Variants in PRKRA observed in about 807,000 individuals in gnomAD.
PRKRA encodes the protein protein activator of interferon induced protein kinase EIF2AK2.
A neutral mutation model predicts 32.4 loss-of-function variants in PRKRA; 22 were observed. That is an observed-to-expected ratio of 0.68 (90% CI 0.49 to 0.97). PRKRA has a LOEUF of 0.97. Ranked by LOEUF, PRKRA falls within the 50% of genes least tolerant of loss-of-function variation. The pLI is 0.00. For missense variants in PRKRA, 319 were observed against 375.6 expected (o/e 0.85, Z 1.25); for synonymous variants, 139 against 129.8 (o/e 1.07, Z -0.48).
At chr2:178,450,451 T>A in intron 1 of PRKRA, 40 bp from the exon 2 acceptor site, 1 of 1,614,002 alleles carries the variant, frequency 6.2e-7, no homozygotes, top group Non-Finnish European at 8.5e-7. Context: ...CATGCCAAAT[T>A]GGAGATTGAA....
chr2:178,449,930 CT>C (rs1697486577), intron 2 of PRKRA: 1 of 451,760 alleles, frequency 2.2e-6, no homozygotes, highest in Admixed American at 3.4e-5. Flanking sequence ...CTCCAAGAAC[CT>C]TTCCTGCTTC....
At chr2:178,432,452 C>G (rs948205527) in intron 7 of PRKRA, among the ~76,000 whole-genome samples, 198 bp from the exon 8 acceptor site, 5 of 152,184 alleles carry the variant, frequency 3.3e-5, no homozygotes, top group Non-Finnish European at 7.3e-5. Flanking sequence ...ACACATTACA[C>G]TTCATAATGA....
intron 7 of PRKRA, among the ~76,000 whole-genome samples, chr2:178,434,704 A>G (rs571873324): frequency 1.3e-5 from 2 of 152,260 alleles, no homozygotes; most frequent in East Asian, 1.9e-4. Context: ...GTAGCACAGA[A>G]TATCAGGAGT....
chr2:178,446,591 T>A (rs1244929531), intron 3 of PRKRA, among the ~76,000 whole-genome samples: 2 of 152,186 alleles, frequency 1.3e-5, no homozygotes, highest in Non-Finnish European at 2.9e-5. Flanking sequence ...ATTACACAGA[T>A]CGTACTTCAG....
At chr2:178,435,342 C>T (rs1337101306) in intron 7 of PRKRA, among the ~76,000 whole-genome samples, 2 of 143,046 alleles carry the variant, frequency 1.4e-5, no homozygotes, top group Admixed American at 7.2e-5. Context: ...GAGATTGTGC[C>T]ACTGTACTCC....
chr2:178,445,983 G>C (rs1205941489), intron 3 of PRKRA: 1 of 151,044 alleles, frequency 6.6e-6, no homozygotes, highest in African/African-American at 2.4e-5. Context: ...TGCCCACCTT[G>C]GCCTCCCAAA....
chr2:178,432,174 T>C lies in PRKRA; in HGVS notation c.865A>G (p.Ile289Val), dbSNP rs937266998. 6.2e-7 allele frequency: 1 copy of C among 1,614,228 alleles called. No homozygotes were observed. Among genetic ancestry groups the C allele is most frequent in the Non-Finnish European group, 8.5e-7 (1 of 1,180,038 alleles). The change falls in exon 8 of 8, where the codon ATC becomes GTC. Residue 289 changes from isoleucine (I) to valine (V), a missense_variant. Physicochemically the swap from Ile to Val is conservative, Grantham distance 29. Transcript: ENST00000325748. ...TCACTTTGTGCATTGCCACAGGAGA[T>C]ACCGGAGCCATGACAGACTGTGATG... ...SPITVCHGSG[I>V]SCGNAQSDAA...
chr2:178,440,884 T>C (rs1344649414), intron 6 of PRKRA, among the ~76,000 whole-genome samples: 1 of 152,224 alleles, frequency 6.6e-6, no homozygotes, highest in Admixed American at 6.5e-5. Flanking sequence ...TTTCCTTATA[T>C]AGGGGTCCCT....
intron 3 of PRKRA, chr2:178,447,300 A>T: frequency 5.0e-6 from 4 of 797,380 alleles, no homozygotes; most frequent in Admixed American, 6.0e-5. Context: ...CTAGTTCATG[A>T]GCACCTTCAT....
chr2:178,437,643 A>G (rs1696952733), intron 6 of PRKRA, among the ~76,000 whole-genome samples: 1 of 152,180 alleles, frequency 6.6e-6, no homozygotes, highest in East Asian at 1.9e-4. Flanking sequence ...AAATACTTCC[A>G]AACTGATTTC....
At chr2:178,448,359 GAC>G (rs958005020) in intron 2 of PRKRA, among the ~76,000 whole-genome samples, 6 of 152,172 alleles carry the variant, frequency 3.9e-5, no homozygotes. Flanking sequence ...AGTGTAAGAA[GAC>G]ACAGAAACCA....
rs1329214307 is a variant in PRKRA at position 178,450,395 on chromosome 2, T to C, written c.82A>G (p.Thr28Ala). Residue 28 changes from threonine to alanine, a missense_variant, in exon 2 of 8, where the codon ACA becomes GCA. Transcript: ENST00000325748. Reference protein sequence around the residue: ...SGTFSLGKMITAKPGKTPIQV... With the variant: ...SGTFSLGKMIAAKPGKTPIQV... ...ATCGGTGTTTTCCCTGGCTTAGCTG[T>C]TATCATCTTCCCCAAACTGCAAAAA... is the stretch of plus-strand genomic sequence containing the variant. 1 of 1,614,262 alleles carries C rather than the reference T, an allele frequency of 6.2e-7. No individual in the cohort carries two copies.
In PRKRA at chr2:178,441,619, G is replaced by A. The variant is rs550449841; in HGVS notation, c.600C>T (p.His200=). ...TGTCAACATTACTCACTAAAGAAAT[G>A]TGGTTCTCTGGAGAAATATTACTAA... ...AKFSNISPEN[H]ISLTNVVGHS... is the part of the protein sequence containing the mutation. Residue 200 remains histidine, a synonymous_variant, in exon 6 of 8, where the codon CAC becomes CAT. Transcript: ENST00000325748. 1 of 1,595,482 alleles carries A rather than the reference G, an allele frequency of 6.3e-7. No homozygotes were observed. The highest frequency in any genetic ancestry group is 1.1e-5 in the South Asian group (1 of 90,632).
In PRKRA at chr2:178,450,954, C is replaced by T. The variant is rs753424963; in HGVS notation, c.65+12G>A. ...CTCCCGGCCCTGGGGCCCTGACTGC[C>T]CGCACGCTGACCTGAAGGTCCCACT... is the stretch of plus-strand genomic sequence containing the variant. On this transcript the variant is annotated intron_variant, in intron 1 of 7. Coordinates refer to ENST00000325748, the MANE Select transcript of PRKRA (RefSeq NM_003690.5). The T allele has an allele frequency of 4.1e-5, 32 of 772,178 alleles. No homozygotes were observed. The highest frequency in any genetic ancestry group is 2.7e-4 in the Admixed American group (6 of 22,532). 47.8% of individuals were successfully genotyped at this position (772,178 alleles called of 1,614,324 possible).
chr2:178,446,797 T>C (rs1697326035), intron 3 of PRKRA, among the ~76,000 whole-genome samples: 1 of 151,844 alleles, frequency 6.6e-6, no homozygotes, highest in South Asian at 2.1e-4. Context: ...ATCGAGACCA[T>C]CCCGGCTAAA....
chr2:178,434,417 C>T (rs549502214), intron 7 of PRKRA, among the ~76,000 whole-genome samples: 8 of 151,330 alleles, frequency 5.3e-5, no homozygotes, highest in Admixed American at 4.6e-4. Flanking sequence ...GGCCTCCAGC[C>T]TCTTTTCTTT....
rs568396106 is a variant in PRKRA at position 178,431,908 on chromosome 2, T to G, written c.*189A>C. 1.4e-6 allele frequency: 1 copy of G among 712,470 alleles called. No homozygotes were observed. The highest frequency in any genetic ancestry group is 1.8e-5 in the African/African-American group (1 of 55,414). The allele number at this position is 712,470 out of a possible 1,614,324, so 44.1% of individuals were successfully genotyped here. On this transcript the variant is annotated 3_prime_UTR_variant, in exon 8 of 8. Coordinates refer to ENST00000325748, the MANE Select transcript of PRKRA (RefSeq NM_003690.5). Reference sequence around the variant, plus strand: ...AAAGTTTATAAATACAGTATACTGATACAAAGTTGAAGCCATTAAAAAGAG... The same window carrying G: ...AAAGTTTATAAATACAGTATACTGAGACAAAGTTGAAGCCATTAAAAAGAG...
intron 1 of PRKRA, 187 bp downstream of exon 1, chr2:178,450,779 G>T (rs1292839896): frequency 3.7e-6 from 5 of 1,343,768 alleles, no homozygotes; most frequent in Non-Finnish European, 4.7e-6. Flanking sequence ...GACCACGAGA[G>T]GGGCGGGGCC....
chr2:178,447,465 G>T (rs746603949), intron 3 of PRKRA, 40 bp downstream of exon 3: 1 of 1,288,956 alleles, frequency 7.8e-7, no homozygotes, highest in Admixed American at 2.7e-5. Flanking sequence ...CCTCAGCCAT[G>T]ATATTTTTGA....
Sources: gnomAD v4.1 joint callset for allele counts (sites outside exome capture counted in the v4.1 genomes callset) on GRCh38, gnomAD v4.1.1 for gene constraint, MANE v1.5 for transcripts, NCBI Gene and HGNC (gene_info 2026-07-23, HGNC 2026-07-21) for gene names.